SBF2: variants seen among roughly 807,000 people sequenced by gnomAD.
SBF2 encodes myotubularin-related protein 13.
In SBF2, 112 loss-of-function variants were observed where a neutral mutation model predicts 225.2. That is an observed-to-expected ratio of 0.50 (90% CI 0.43 to 0.58). The LOEUF is 0.58. Among genes scored for constraint, SBF2 ranks in the 20% least tolerant of loss-of-function variants. The pLI is 0.00. For missense variants in SBF2, 1,996 were observed against 2,206.2 expected, an observed-to-expected ratio of 0.90 and a Z score of 1.91; for synonymous variants, 763 against 773.3, an observed-to-expected ratio of 0.99 and a Z score of 0.22.
intron 17 of SBF2, among the ~76,000 whole-genome samples, chr11:9,862,740 T>A (rs360161): frequency 0.25 from 38,031 of 150,496 alleles, 5,097 homozygotes; most frequent in Non-Finnish European, 0.3. Flanking sequence ...TTTAAAAAAA[T>A]TTTTTTTATT....
At chr11:10,130,483 G>C (rs530342124) in intron 2 of SBF2, among the ~76,000 whole-genome samples, 9 of 151,910 alleles carry the variant, frequency 5.9e-5, no homozygotes, top group African/African-American at 2.2e-4. Context: ...ATACAATGAG[G>C]TCCCCTGTAC....
chr11:10,172,893 A>C (rs920292616), intron 2 of SBF2, among the ~76,000 whole-genome samples: 6 of 151,372 alleles, frequency 4.0e-5, no homozygotes, highest in African/African-American at 1.2e-4. Context: ...GTCTTGAACT[A>C]CCGATCTCCA....
rs544163139 is a variant in SBF2, at chr11:10,239,892, G to C, written c.56-45905C>G. The stretch of plus-strand genomic sequence containing the variant: ...ATTTATAGAGCACATAAATGTGTCT[G>C]TTTTTATCTTTGTAAGAAGAACAGC... On this transcript the variant is annotated intron_variant, in intron 1 of 39. Coordinates refer to ENST00000256190, the MANE Select transcript of SBF2 (RefSeq NM_030962.4). Among the ~76,000 whole-genome samples the C allele has an allele frequency of 2.0e-5, 3 of 152,234 alleles. No individual in the cohort carries two copies. In the South Asian group the frequency reaches 6.2e-4, roughly 32 times the overall value.
chr11:10,023,577 CT>C (rs1413447305), intron 6 of SBF2, among the ~76,000 whole-genome samples: 1 of 152,128 alleles, frequency 6.6e-6, no homozygotes, highest in Non-Finnish European at 1.5e-5. Flanking sequence ...TGTTTTGCCC[CT>C]ATGTGTTTGC....
intron 2 of SBF2, among the ~76,000 whole-genome samples, chr11:10,179,930 A>T (rs552163899): frequency 1.4e-4 from 22 of 152,298 alleles, no homozygotes; most frequent in African/African-American, 5.1e-4. Context: ...TCCTATAACC[A>T]ATTACTTTAA....
At chr11:10,289,867 G>A (rs893165052) in intron 1 of SBF2, among the ~76,000 whole-genome samples, 6 of 152,076 alleles carry the variant, frequency 3.9e-5, no homozygotes, top group African/African-American at 1.4e-4. Flanking sequence ...ACAGGGCCAG[G>A]GTCAGGAGCT....
At chr11:9,972,664 G>A (rs1051233323) in intron 13 of SBF2, among the ~76,000 whole-genome samples, 2 of 152,068 alleles carry the variant, frequency 1.3e-5, no homozygotes, top group Non-Finnish European at 2.9e-5. Context: ...TGTATTTTTA[G>A]TAGAGACGGG....
intron 1 of SBF2, among the ~76,000 whole-genome samples, chr11:10,292,203 T>G (rs10840387): frequency 2.6e-5 from 4 of 152,236 alleles, no homozygotes; most frequent in African/African-American, 7.2e-5. Context: ...ACTGTATCAC[T>G]ATCCATTTCC....
chr11:9,886,662 C>G, intron 17 of SBF2, among the ~76,000 whole-genome samples: 1 of 149,698 alleles, frequency 6.7e-6, no homozygotes, highest in Non-Finnish European at 1.5e-5. Context: ...CCTTCTGCCT[C>G]CATTTCCAGT....
intron 2 of SBF2, among the ~76,000 whole-genome samples, chr11:10,077,224 G>A (rs765119626): frequency 1.3e-5 from 2 of 152,042 alleles, no homozygotes; most frequent in South Asian, 2.1e-4. Context: ...ATGGCCATAC[G>A]GCTCAAAGTA....
At chr11:10,278,772 C>G (rs1295263166) in intron 1 of SBF2, among the ~76,000 whole-genome samples, 2 of 133,052 alleles carry the variant, frequency 1.5e-5, no homozygotes, top group African/African-American at 5.7e-5. Context: ...GCAACAAGAA[C>G]GAAACTCCAT....
intron 1 of SBF2, among the ~76,000 whole-genome samples, chr11:10,208,939 T>C (rs17294609): frequency 0.11 from 16,197 of 152,140 alleles, 1,072 homozygotes; most frequent in Non-Finnish European, 0.11. Flanking sequence ...ACATAGCAAG[T>C]GCTTAGTTTC....
intron 39 of SBF2, chr11:9,780,801 C>T: frequency 2.3e-6 from 1 of 427,126 alleles, no homozygotes; most frequent in Non-Finnish European, 4.4e-6. Context: ...GAAGGGTCAG[C>T]AATGAATGGT....
intron 1 of SBF2, among the ~76,000 whole-genome samples, chr11:10,258,968 C>A (rs778236721): frequency 2.0e-5 from 3 of 152,134 alleles, no homozygotes; most frequent in Non-Finnish European, 4.4e-5. Flanking sequence ...ACAGAGAAGG[C>A]ATAGAGAAAA....
chr11:9,904,565 A>G (rs1427547477), intron 16 of SBF2, among the ~76,000 whole-genome samples: 1 of 152,236 alleles, frequency 6.6e-6, no homozygotes, highest in African/African-American at 2.4e-5. Flanking sequence ...AAAATCAGTC[A>G]TCATATTGAA....
intron 2 of SBF2, among the ~76,000 whole-genome samples, chr11:10,155,889 C>T (rs1053447213): frequency 1.3e-5 from 2 of 152,194 alleles, no homozygotes; most frequent in African/African-American, 2.4e-5. Flanking sequence ...GTGGCAGTGG[C>T]CAGTTTGGAG....
intron 1 of SBF2, among the ~76,000 whole-genome samples, chr11:10,269,605 C>T (rs1401304939): frequency 6.6e-6 from 1 of 152,192 alleles, no homozygotes; most frequent in Non-Finnish European, 1.5e-5. Context: ...CTCATTTAAT[C>T]TTCACAACAT....
rs1947479990 is a variant in SBF2 at position 9,992,439 on chromosome 11, A to G, written c.1272T>C (p.Tyr424=). The change falls in exon 12 of 40, where the codon TAT becomes TAC. Residue 424 remains tyrosine (Y), a synonymous_variant. Coordinates refer to ENST00000256190, the MANE Select transcript of SBF2 (RefSeq NM_030962.4). ...CCTCATCAAAGAGATCACAAGATCT[A>G]TAAGGAGGACCTCTTTCTGAAACAA... ...AGFVSERGPP[Y]RSCDLFDELV... is the part of the protein sequence containing the mutation. 1.2e-6 allele frequency: 2 copies of G among 1,613,026 alleles called. No homozygotes were observed. Among genetic ancestry groups the G allele is most frequent in the Non-Finnish European group, 1.7e-6 (2 of 1,179,260 alleles).
upstream of SBF2, among the ~76,000 whole-genome samples, chr11:10,298,831 T>C (rs940647950): frequency 8.5e-5 from 13 of 152,208 alleles, no homozygotes; most frequent in African/African-American, 2.4e-4. Context: ...CCCCACTAGT[T>C]TGAGCCGTTA....
Sources: allele counts gnomAD v4.1 joint callset (sites outside exome capture counted in the v4.1 genomes callset), GRCh38; gene constraint gnomAD v4.1.1; transcripts MANE v1.5; gene names NCBI Gene and HGNC (gene_info 2026-07-23, HGNC 2026-07-21).